The following TGFB1 variants were observed in gnomAD, a reference collection of about 807,000 sequenced individuals.
TGFB1 encodes transforming growth factor beta-1 proprotein.
Under a neutral mutation model 43.8 loss-of-function variants are expected in TGFB1, and 19 were observed. The observed-to-expected ratio is 0.43, with a 90% confidence interval of 0.30 to 0.64. TGFB1 has a LOEUF of 0.64. TGFB1 is among the 30% of genes least tolerant of loss of function. TGFB1 has a pLI of 0.11. For synonymous variants in TGFB1, 221 were observed against 236.3 expected, an observed-to-expected ratio of 0.94 and a Z score of 0.60; for missense variants, 445 against 529.8, an observed-to-expected ratio of 0.84 and a Z score of 1.57.
intron 1 of TGFB1, among the ~76,000 whole-genome samples, chr19:41,351,506 G>T (rs1193176411): frequency 6.6e-6 from 1 of 152,134 alleles, no homozygotes; most frequent in East Asian, 1.9e-4. Context: ...GCCTCCGCCG[G>T]GGGCATGGGA....
intron 6 of TGFB1, among the ~76,000 whole-genome samples, chr19:41,331,566 CTTT>C (rs3061187): frequency 0.031 from 2,415 of 77,252 alleles, 98 homozygotes; most frequent in African/African-American, 0.12. Context: ...CCACTCCTAG[CTTT>C]TTTTTTTTTT....
intron 2 of TGFB1, among the ~76,000 whole-genome samples, chr19:41,345,992 G>A (rs186637118): frequency 1.8e-4 from 28 of 152,126 alleles, no homozygotes; most frequent in African/African-American, 6.3e-4. Flanking sequence ...GAAGACTAAT[G>A]TTCTATAAAC....
chr19:41,332,013 C>G (rs2037937207), intron 6 of TGFB1, 115 bp downstream of exon 6: 2 of 1,380,498 alleles, frequency 1.4e-6, no homozygotes, highest in Non-Finnish European at 2.0e-6. Flanking sequence ...CCCCATCCCT[C>G]TCTTTCTCCC....
Position 41,344,739 on chromosome 19 carries a change from A to G in TGFB1, c.634+8T>C, listed in dbSNP as rs1354683198. On this transcript the variant is annotated splice_region_variant and intron_variant, in intron 3 of 6. Transcript: ENST00000221930. ...GAAACAGGGGTGGGACACACAAGTAATCCTCACCTCCACGGCTCAACCACT... is the reference window on the plus strand; with the variant it reads ...GAAACAGGGGTGGGACACACAAGTAGTCCTCACCTCCACGGCTCAACCACT... The G allele has an allele frequency of 3.7e-6, 6 of 1,612,652 alleles. No individual in the cohort carries two copies. Among genetic ancestry groups the G allele is most frequent in the Middle Eastern group, 1.7e-4 (1 of 5,770 alleles).
intron 1 of TGFB1, 39 bp from the exon 2 acceptor site, chr19:41,348,494 G>A: frequency 6.2e-7 from 1 of 1,607,006 alleles, no homozygotes; most frequent in South Asian, 1.1e-5. Flanking sequence ...CAGGGGTTTG[G>A]CAGAGGTGAG....
intron 1 of TGFB1, among the ~76,000 whole-genome samples, chr19:41,351,409 T>A (rs983925267): frequency 1.3e-4 from 20 of 152,018 alleles, no homozygotes; most frequent in Non-Finnish European, 2.8e-4. Context: ...CGCCCGTAGC[T>A]GGGGTGAGGA....
In TGFB1 at chr19:41,352,702, C is replaced by T. The variant is rs1354846501; in HGVS notation, c.343G>A (p.Glu115Lys). The T allele has an allele frequency of 1.2e-6, 2 of 1,613,424 alleles. No homozygotes were observed. Among genetic ancestry groups the T allele is most frequent in the East Asian group, 2.2e-5 (1 of 44,846 alleles). Residue 115 changes from glutamate to lysine, a missense_variant, in exon 1 of 7, where the codon GAA becomes AAA. Physicochemically the swap from Glu to Lys is moderately conservative, Grantham distance 56. Around this residue, in one of 3 missense-constraint regions of TGFB1, gnomAD observed 366 missense variants for 428.8 expected, o/e 0.85. Coordinates refer to ENST00000221930, the MANE Select transcript of TGFB1 (RefSeq NM_000660.7). ...AKEVTRVLMV[E>K]THNEIYDKFK... ...CCTCCGAGCTCACCGTTGTGGGTTT[C>T]CACCATTAGCACGCGGGTGACCTCC...
chr19:41,348,156 A>C, intron 2 of TGFB1, 139 bp downstream of exon 2: 1 of 929,842 alleles, frequency 1.1e-6, no homozygotes, highest in Non-Finnish European at 1.7e-6. Context: ...GCGTTCTAGG[A>C]TTGTATGGTT....
At chr19:41,338,404 G>A (rs761637491) in intron 5 of TGFB1, among the ~76,000 whole-genome samples, 15 of 151,180 alleles carry the variant, frequency 9.9e-5, no homozygotes, top group African/African-American at 3.4e-4. Flanking sequence ...TGAAGCAGGA[G>A]AATTGCTTGA....
rs1286931927 is a variant in TGFB1, at chr19:41,335,050, C to T, written c.861-2769G>A. 6.2e-5 allele frequency among the ~76,000 whole-genome samples: 9 copies of T among 145,796 alleles called. 1 individual carries two copies. In the South Asian group the frequency reaches 6.5e-4, roughly 11 times the overall value. The stretch of plus-strand genomic sequence containing the variant: ...TCACAAAAGGGGAAGAACTAGTGTC[C>T]GGAATCTTTTTTTTTTTTTGAGATG... On this transcript the variant is annotated intron_variant, in intron 5 of 6. Coordinates refer to ENST00000221930, the MANE Select transcript of TGFB1 (RefSeq NM_000660.7).
chr19:41,338,468 C>T (rs184784334), intron 5 of TGFB1, among the ~76,000 whole-genome samples: 1 of 150,992 alleles, frequency 6.6e-6, no homozygotes, highest in East Asian at 1.9e-4. Flanking sequence ...TACACTCCAG[C>T]CTGAGTGACA....
At chr19:41,348,481 G>A (rs201227564) in intron 1 of TGFB1, 26 bp from the exon 2 acceptor site, 19 of 1,609,684 alleles carry the variant, frequency 1.2e-5, no homozygotes, top group South Asian at 6.6e-5. Context: ...GAAGGGAGGC[G>A]ATCAGGGGTT....
rs542338540 is a variant in TGFB1 at position 41,334,686 on chromosome 19, G to A, written c.861-2405C>T. 4.6e-5 allele frequency among the ~76,000 whole-genome samples: 7 copies of A among 151,978 alleles called. No homozygotes were observed. The East Asian group carries it at 1.4e-3, about 30-fold the overall frequency. ...CCAGCTACTGGGGAGTCTGAGGCAG[G>A]AGAATCGCTTGAACCCAACTTCAAG... On this transcript the variant is annotated intron_variant, in intron 5 of 6. Transcript: ENST00000221930.
intron 3 of TGFB1, among the ~76,000 whole-genome samples, chr19:41,342,474 C>A (rs925834224): frequency 1.9e-4 from 28 of 150,144 alleles, no homozygotes; most frequent in African/African-American, 6.9e-4. Context: ...CTCAGCCTCC[C>A]GAGTAGCTGG....
In TGFB1 at chr19:41,353,246, T is replaced by C. The variant is rs1032001647; in HGVS notation, c.-202A>G. On this transcript the variant is annotated 5_prime_UTR_variant, in exon 1 of 7. Transcript: ENST00000221930. This position sits in a 1 kb window ranked among gnomAD's most constrained non-coding sequence, Gnocchi z 5.9. Reference sequence around the variant, plus strand: ...GTCTCAGTATCCCACGGAAATAACCTAGATGGGCGCGATCTGGTACCAGAA... The same window carrying C: ...GTCTCAGTATCCCACGGAAATAACCCAGATGGGCGCGATCTGGTACCAGAA... The C allele has an allele frequency of 1.7e-6, 1 of 590,292 alleles. No homozygotes were observed. The highest frequency in any genetic ancestry group is 2.8e-6 in the Non-Finnish European group (1 of 355,068). The allele number at this position is 590,292 out of a possible 1,614,324, so 36.6% of individuals were successfully genotyped here.
intron 3 of TGFB1, among the ~76,000 whole-genome samples, chr19:41,343,341 T>C (rs892244979): frequency 6.6e-6 from 1 of 151,662 alleles, no homozygotes; most frequent in African/African-American, 2.4e-5. Flanking sequence ...TCCATGTTGG[T>C]CAGGCTGGTC....
In TGFB1 at chr19:41,332,138, T is replaced by C. The variant is rs2123080065; in HGVS notation, c.1004A>G (p.Gln335Arg). The change falls in exon 6 of 7, where the codon CAG (glutamine) becomes CGG (arginine). Residue 335 changes from glutamine (Q) to arginine (R), a missense_variant. By Grantham distance (43) the Gln-to-Arg change is conservative. Coordinates refer to ENST00000221930, the MANE Select transcript of TGFB1 (RefSeq NM_000660.7). ...PCPYIWSLDTQYSKVLALYNQ... is the reference protein window; with the variant it reads ...PCPYIWSLDTRYSKVLALYNQ... ...GTGGGCCAGACGTACCTTGCTGTAC[T>C]GCGTGTCCAGGCTCCAAATGTAGGG... 6.2e-7 allele frequency: 1 copy of C among 1,613,940 alleles called. No homozygotes were observed.
intron 1 of TGFB1, among the ~76,000 whole-genome samples, chr19:41,351,737 C>T (rs1213134156): frequency 2.0e-5 from 3 of 152,062 alleles, no homozygotes; most frequent in African/African-American, 4.8e-5. Context: ...TGTAGAGTCA[C>T]CCCCCACCCA....
chr19:41,337,223 C>T (rs576660507), intron 5 of TGFB1, among the ~76,000 whole-genome samples: 34 of 152,274 alleles, frequency 2.2e-4, no homozygotes, highest in African/African-American at 7.9e-4. Flanking sequence ...CTCACTGCAA[C>T]CTCCACTTCC....
Sources: gnomAD v4.1 joint callset for allele counts (sites outside exome capture counted in the v4.1 genomes callset) on GRCh38, gnomAD v4.1.1 for gene constraint, gnomAD v4.1.1 regional missense constraint, Gnocchi (gnomAD v3.1) non-coding constraint, MANE v1.5 for transcripts, NCBI Gene and HGNC (gene_info 2026-07-23, HGNC 2026-07-21) for gene names.